The following CBX7 variants were observed in gnomAD, a reference collection of about 807,000 sequenced individuals.
CBX7 encodes the protein chromobox protein homolog 7.
Under a neutral mutation model 31.4 loss-of-function variants are expected in CBX7, and 14 were observed. That is an observed-to-expected ratio of 0.45 (90% CI 0.29 to 0.70). CBX7 has a LOEUF of 0.70. Ranked by LOEUF, CBX7 falls within the 30% of genes least tolerant of loss-of-function variation. The pLI, the probability that CBX7 is intolerant of heterozygous loss-of-function variation, is 0.11. For synonymous variants in CBX7, 159 were observed against 152.6 expected, an observed-to-expected ratio of 1.04 and a Z score of -0.31; for missense variants, 269 against 351.9, an observed-to-expected ratio of 0.76 and a Z score of 1.89.
chr22:39,143,664 G>A (rs1486466843), intron 2 of CBX7, among the ~76,000 whole-genome samples: 3 of 152,200 alleles, frequency 2.0e-5, no homozygotes, highest in Non-Finnish European at 2.9e-5. Context: ...TTCCAGCCCC[G>A]CAATCTCTGT....
At position 39,146,855 on chromosome 22, in the gene CBX7, G is replaced by A. The variant is rs569853503; in HGVS notation, c.113+2934C>T. Among the ~76,000 whole-genome samples, 8 of 152,154 alleles carry A rather than the reference G, an allele frequency of 5.3e-5. No homozygotes were observed. In the South Asian group the frequency reaches 1.7e-3, roughly 32 times the overall value. ...AAGAGAGGAAGTCATTCTGGAAGGG[G>A]GAACAGCAGGGCCCTGGACAGGCTG... On this transcript the variant is annotated intron_variant, in intron 2 of 5. Transcript: ENST00000216133.
At chr22:39,151,592 A>T (rs1457137455) in intron 1 of CBX7, among the ~76,000 whole-genome samples, 2 of 152,236 alleles carry the variant, frequency 1.3e-5, no homozygotes, top group African/African-American at 2.4e-5. Context: ...AGTAGTGCGT[A>T]CCAGGAAAGG....
chr22:39,141,105 G>T, intron 3 of CBX7: 1 of 454,778 alleles, frequency 2.2e-6, no homozygotes, highest in Non-Finnish European at 4.0e-6. Flanking sequence ...GTACTCTTCA[G>T]GGTGGCCCAT....
At position 39,138,626 on chromosome 22, in the gene CBX7, G is replaced by A; in HGVS notation, c.246+10C>T. ...GGGGGAGAAAGGAGGCACAAAGGCA[G>A]GCTGGTTACCTGCAGCAGAAGCCGC... On this transcript the variant is annotated intron_variant, in intron 4 of 5. Coordinates refer to ENST00000216133, the MANE Select transcript of CBX7 (RefSeq NM_175709.5). The A allele has an allele frequency of 6.2e-7, 1 of 1,614,040 alleles. No individual in the cohort carries two copies. Among genetic ancestry groups the A allele is most frequent in the Non-Finnish European group, 8.5e-7 (1 of 1,179,884 alleles).
chr22:39,146,890 C>T (rs985553187), intron 2 of CBX7, among the ~76,000 whole-genome samples: 4 of 152,096 alleles, frequency 2.6e-5, no homozygotes, highest in African/African-American at 9.7e-5. Flanking sequence ...GAAATGTTAT[C>T]TGGAGGCCTC....
chr22:39,146,686 G>C (rs2146368725), intron 2 of CBX7, among the ~76,000 whole-genome samples: 1 of 152,358 alleles, frequency 6.6e-6, no homozygotes, highest in East Asian at 1.9e-4. Flanking sequence ...AAAATGGGTT[G>C]CTATGAGTGG....
intron 4 of CBX7, chr22:39,135,461 G>A (rs761417065): frequency 2.0e-5 from 3 of 152,222 alleles, no homozygotes; most frequent in Non-Finnish European, 4.4e-5. Context: ...AAGATTCATG[G>A]TGCCAAGATG....
At chr22:39,144,522 C>A (rs56383137) in intron 2 of CBX7, among the ~76,000 whole-genome samples, 12,089 of 152,098 alleles carry the variant, frequency 0.079, 595 homozygotes, top group African/African-American at 0.13. Context: ...CAGGCCCGCC[C>A]GGGGCTCTGG....
Position 39,152,311 on chromosome 22 carries a change from G to A in CBX7, c.69+65C>T. ...TTTCCCCTTCAGCCCCAGCGTGGAG[G>A]GAGCGGTGCTGGGGACGGGAGGGAC... On this transcript the variant is annotated intron_variant, in intron 1 of 5. Coordinates refer to ENST00000216133, the MANE Select transcript of CBX7 (RefSeq NM_175709.5). The surrounding 1 kb of genome is among the most constrained non-coding windows in gnomAD (Gnocchi z 4.9). 1.8e-6 allele frequency: 2 copies of A among 1,081,504 alleles called. No individual in the cohort carries two copies. Among genetic ancestry groups the A allele is most frequent in the Non-Finnish European group, 2.4e-6 (2 of 832,766 alleles). The allele number at this position is 1,081,504 out of a possible 1,614,324, so 67.0% of individuals were successfully genotyped here. A position where few individuals can be genotyped will look rare whatever the true frequency, so the allele number is the denominator to read the frequency against.
Position 39,134,562 on chromosome 22 carries a change from T to TG in CBX7, c.436dup (p.His146ProfsTer52). 1 of 1,607,250 alleles carries TG rather than the reference T, an allele frequency of 6.2e-7. No individual in the cohort carries two copies. The highest frequency in any genetic ancestry group is 8.5e-7 in the Non-Finnish European group (1 of 1,177,332). ...CTTGCGCGAGAGCCGCAGGTACTTG[T>TG]GGGCCTTTCGGGGCTTGCGGAGCGG... On this transcript the variant is annotated frameshift_variant, in exon 5 of 6. Coordinates refer to ENST00000216133, the MANE Select transcript of CBX7 (RefSeq NM_175709.5). LOFTEE classifies it high-confidence loss of function.
chr22:39,144,074 C>T (rs1305547789), intron 2 of CBX7, among the ~76,000 whole-genome samples: 1 of 151,978 alleles, frequency 6.6e-6, no homozygotes, highest in Non-Finnish European at 1.5e-5. Flanking sequence ...CCTGCCCTGC[C>T]GCCTCCCAAT....
chr22:39,134,121 C>A, intron 5 of CBX7, 73 bp from the exon 6 acceptor site: 1 of 1,443,108 alleles, frequency 6.9e-7, no homozygotes, highest in South Asian at 1.3e-5. Context: ...CAACCCGACC[C>A]CAACTCCAGC....
intron 1 of CBX7, 115 bp from the exon 2 acceptor site, chr22:39,149,947 C>T: frequency 3.8e-6 from 3 of 796,688 alleles, no homozygotes; most frequent in Non-Finnish European, 6.6e-6. Flanking sequence ...AGACAGGTGT[C>T]TCCCCAACAC....
intron 5 of CBX7, 127 bp downstream of exon 5, chr22:39,134,274 C>T: frequency 4.3e-6 from 4 of 925,598 alleles, no homozygotes; most frequent in Non-Finnish European, 6.3e-6. Context: ...TAGTGTTGGG[C>T]CCTGAGCCCA....
intron 3 of CBX7, among the ~76,000 whole-genome samples, chr22:39,139,740 A>T (rs1930387996): frequency 6.7e-6 from 1 of 148,302 alleles, no homozygotes; most frequent in South Asian, 2.1e-4. Context: ...GAAAAAGAAA[A>T]AAAAACAAAC....
intron 2 of CBX7, chr22:39,148,786 T>G (rs1930748699): frequency 6.6e-6 from 1 of 152,310 alleles, no homozygotes; most frequent in Middle Eastern, 3.1e-3. Flanking sequence ...GGGCCTGGGT[T>G]TCTGAACCCA....
chr22:39,136,592 G>A (rs1166864327), intron 4 of CBX7: 3 of 152,490 alleles, frequency 2.0e-5, no homozygotes, highest in African/African-American at 7.2e-5. Context: ...CCGCAGCCCT[G>A]GTCGAGCCTG....
At chr22:39,138,495 T>C in intron 4 of CBX7, 141 bp downstream of exon 4, 1 of 774,348 alleles carries the variant, frequency 1.3e-6, no homozygotes, top group South Asian at 1.5e-5. Context: ...CTTACCCAAG[T>C]GCCCCACCCC....
chr22:39,150,805 T>C (rs1472902842), intron 1 of CBX7, among the ~76,000 whole-genome samples: 1 of 152,116 alleles, frequency 6.6e-6, no homozygotes, highest in Non-Finnish European at 1.5e-5. Context: ...AACCCCATTG[T>C]GAGTGAAGCC....
Sources: gnomAD v4.1 joint callset for allele counts (sites outside exome capture counted in the v4.1 genomes callset) on GRCh38, gnomAD v4.1.1 for gene constraint, Gnocchi (gnomAD v3.1) non-coding constraint, MANE v1.5 for transcripts, NCBI Gene and HGNC (gene_info 2026-07-23, HGNC 2026-07-21) for gene names.